ITGA2: variants seen among roughly 807,000 people sequenced by gnomAD.
The protein encoded by ITGA2 is integrin subunit alpha 2.
A neutral mutation model predicts 146.3 loss-of-function variants in ITGA2; 101 were observed. The observed-to-expected ratio is 0.69, with a 90% CI of 0.59 to 0.81. ITGA2 has a LOEUF of 0.81. Among genes scored for constraint, ITGA2 ranks in the 40% least tolerant of loss-of-function variants. The pLI is 0.00. For synonymous variants in ITGA2, 477 were observed against 487.1 expected, an observed-to-expected ratio of 0.98 and a Z score of 0.27; for missense variants, 1,281 against 1,402.7, an observed-to-expected ratio of 0.91 and a Z score of 1.39.
chr5:52,993,395 A>C (rs769899996), intron 1 of ITGA2, among the ~76,000 whole-genome samples: 1 of 152,192 alleles, frequency 6.6e-6, no homozygotes, highest in Non-Finnish European at 1.5e-5. Context: ...AATGGCTCAT[A>C]TATTTCTGAT....
chr5:53,031,874 T>G (rs1275845360), intron 2 of ITGA2, among the ~76,000 whole-genome samples: 1 of 152,262 alleles, frequency 6.6e-6, no homozygotes, highest in Non-Finnish European at 1.5e-5. Context: ...GATGCAATTC[T>G]TATCACAAAC....
intron 1 of ITGA2, among the ~76,000 whole-genome samples, chr5:52,995,284 A>G (rs982226707): frequency 2.0e-5 from 3 of 152,170 alleles, no homozygotes; most frequent in African/African-American, 7.2e-5. Context: ...ACATGATCAG[A>G]TGAGGAGAGT....
At chr5:53,078,562 A>G (rs1745766128) in intron 23 of ITGA2, among the ~76,000 whole-genome samples, 2 of 152,138 alleles carry the variant, frequency 1.3e-5, no homozygotes, top group Admixed American at 1.3e-4. Flanking sequence ...ATCCACAAAG[A>G]AATATGTTTT....
chr5:53,023,152 A>G (rs1312315326), intron 1 of ITGA2, among the ~76,000 whole-genome samples: 3 of 152,242 alleles, frequency 2.0e-5, no homozygotes, highest in Non-Finnish European at 4.4e-5. Flanking sequence ...ACTCTGGGTG[A>G]TAATAGGCTC....
At chr5:53,046,325 T>A (rs1183991761) in intron 4 of ITGA2, among the ~76,000 whole-genome samples, 2 of 152,214 alleles carry the variant, frequency 1.3e-5, no homozygotes, top group Admixed American at 1.3e-4. Flanking sequence ...TCTAAAAATG[T>A]AATCAATTTT....
intron 4 of ITGA2, among the ~76,000 whole-genome samples, chr5:53,046,062 A>T (rs1347971647): frequency 6.6e-6 from 1 of 151,794 alleles, no homozygotes; most frequent in African/African-American, 2.4e-5. Flanking sequence ...GTGGTGGCAC[A>T]CACCTGTAAT....
At chr5:53,061,167 A>T in intron 12 of ITGA2, 121 bp downstream of exon 12, 1 of 933,702 alleles carries the variant, frequency 1.1e-6, no homozygotes, top group South Asian at 1.3e-5. Context: ...TGGCTCTGTA[A>T]TCTGAGTTTA....
At chr5:53,048,885 T>G in intron 6 of ITGA2, 115 bp downstream of exon 6, 1 of 1,153,152 alleles carries the variant, frequency 8.7e-7, no homozygotes, top group East Asian at 2.4e-5. Flanking sequence ...ATGCATTTGA[T>G]GGTAGTTTTT....
At chr5:53,006,862 TAAAAA>T (rs201704370) in intron 1 of ITGA2, among the ~76,000 whole-genome samples, 1 of 151,448 alleles carries the variant, frequency 6.6e-6, no homozygotes, top group African/African-American at 2.4e-5. Flanking sequence ...AACAAAAACA[TAAAAA>T]AAAATTCATT....
At position 53,040,812 on chromosome 5, in the gene ITGA2, C is replaced by T. The variant is rs139756268; in HGVS notation, c.186-1300C>T. Among the ~76,000 whole-genome samples the T allele has an allele frequency of 2.0e-3, 298 of 152,242 alleles. 1 individual carries two copies. The highest frequency in any genetic ancestry group is 7.0e-3 in the African/African-American group (290 of 41,564). ...TTTTTCCCTAAGTGTTCATGCTATTCTGTCTGCTAATACTTCAGGTTAAAA... is the reference window on the plus strand; with the variant it reads ...TTTTTCCCTAAGTGTTCATGCTATTTTGTCTGCTAATACTTCAGGTTAAAA... On this transcript the variant is annotated intron_variant, in intron 2 of 29. Coordinates refer to ENST00000296585, the MANE Select transcript of ITGA2 (RefSeq NM_002203.4).
Position 53,051,458 on chromosome 5 carries a change from G to A in ITGA2, c.678G>A (p.Leu226=), listed in dbSNP as rs1476029844. Residue 226 remains leucine (L), a synonymous_variant, in exon 7 of 30, where the codon TTG becomes TTA. Coordinates refer to ENST00000296585, the MANE Select transcript of ITGA2 (RefSeq NM_002203.4). ...ATAATCCAAGAGTTGTGTTTAACTT[G>A]AACACATATAAAACCAAAGAAGAAA... The part of the protein sequence containing the change: ...YANNPRVVFN[L]NTYKTKEEMI... 5.6e-6 allele frequency: 9 copies of A among 1,613,236 alleles called. No individual in the cohort carries two copies. The highest frequency in any genetic ancestry group is 7.6e-6 in the Non-Finnish European group (9 of 1,179,410).
chr5:53,081,529 G>A (rs1751462990), intron 25 of ITGA2, 63 bp from the exon 26 acceptor site: 1 of 1,280,614 alleles, frequency 7.8e-7, no homozygotes, highest in Non-Finnish European at 1.1e-6. Context: ...TTCCTAACAT[G>A]TTGAAAGGAA....
At chr5:53,080,687 T>A in intron 25 of ITGA2, 66 bp downstream of exon 25, 1 of 1,129,698 alleles carries the variant, frequency 8.9e-7, no homozygotes. Flanking sequence ...GAGATTAGGG[T>A]GATCATGTCT....
At position 53,056,121 on chromosome 5, in the gene ITGA2, A is replaced by T. The variant is rs764542534; in HGVS notation, c.1068A>T (p.Thr356=). ...CAGCTCTACTAGAAAAGGCTGGGAC[A>T]TTAGGAGAACAAATTTTCAGCATTG... ...DEAALLEKAG[T]LGEQIFSIEG... Residue 356 remains threonine, a synonymous_variant, in exon 9 of 30, where the codon ACA becomes ACT. Coordinates refer to ENST00000296585, the MANE Select transcript of ITGA2 (RefSeq NM_002203.4). 2.5e-6 allele frequency: 4 copies of T among 1,611,986 alleles called. No individual in the cohort carries two copies. The highest frequency in any genetic ancestry group is 1.1e-5 in the South Asian group (1 of 90,842).
Position 53,042,423 on chromosome 5 carries a change from C to G in ITGA2, c.295+202C>G, listed in dbSNP as rs1030482633. ...CTTAACAAGATGCGTGGAAAATGTG[C>G]TATCTCCTGGACCATTTACCTATAG... On this transcript the variant is annotated intron_variant, in intron 3 of 29. Transcript: ENST00000296585. 1.5e-4 allele frequency among the ~76,000 whole-genome samples: 23 copies of G among 152,098 alleles called. 1 individual carries two copies. Among genetic ancestry groups the G allele is most frequent in the African/African-American group, 4.1e-4 (17 of 41,436 alleles).
chr5:53,046,386 T>C (rs1330967561), intron 4 of ITGA2, among the ~76,000 whole-genome samples: 1 of 152,040 alleles, frequency 6.6e-6, no homozygotes, highest in African/African-American at 2.4e-5. Flanking sequence ...ATGACTGTGC[T>C]GCCAGTAAGT....
At chr5:53,057,245 T>C (rs1387326223) in intron 9 of ITGA2, among the ~76,000 whole-genome samples, 1 of 151,998 alleles carries the variant, frequency 6.6e-6, no homozygotes, top group Non-Finnish European at 1.5e-5. Flanking sequence ...TCTATTTTAT[T>C]AAAAAGTATC....
At chr5:53,088,601 G>A (rs1016859588) in intron 28 of ITGA2, among the ~76,000 whole-genome samples, 2 of 149,562 alleles carry the variant, frequency 1.3e-5, no homozygotes, top group African/African-American at 2.5e-5. Context: ...CAGGAGAATC[G>A]CTTGAACCTG....
intron 23 of ITGA2, 129 bp downstream of exon 23, chr5:53,075,433 A>C (rs1745618550): frequency 1.3e-6 from 1 of 790,706 alleles, no homozygotes; most frequent in South Asian, 1.5e-5. Context: ...AATTCTTGTC[A>C]ACTAAAACAG....
Sources: allele counts gnomAD v4.1 joint callset (sites outside exome capture counted in the v4.1 genomes callset), GRCh38; gene constraint gnomAD v4.1.1; transcripts MANE v1.5; gene names NCBI Gene and HGNC (gene_info 2026-07-23, HGNC 2026-07-21).